The following ILDR1 variants were observed in gnomAD, a reference collection of about 807,000 sequenced individuals.
The protein encoded by ILDR1 is immunoglobulin-like domain-containing receptor 1.
A neutral mutation model predicts 62.4 loss-of-function variants in ILDR1; 56 were observed. The ratio of observed to expected loss-of-function variants is 0.90; its 90% CI spans 0.72 to 1.12. The LOEUF is 1.12. Among genes scored for constraint, ILDR1 ranks in the 50% most tolerant of loss-of-function variants. ILDR1 has a pLI of 0.00. For synonymous variants in ILDR1, 284 were observed against 277.8 expected, an observed-to-expected ratio of 1.02 and a Z score of -0.22; for missense variants, 736 against 710.6, an observed-to-expected ratio of 1.04 and a Z score of -0.41.
At chr3:122,050,762 A>T in the ILDR1 span, among the ~76,000 whole-genome samples, 1 of 151,808 alleles carries the variant, frequency 6.6e-6, no homozygotes, top group South Asian at 2.1e-4. Flanking sequence ...ATGTTTTTGT[A>T]TTGCTGTTTA....
intron 5 of ILDR1, among the ~76,000 whole-genome samples, chr3:121,996,162 A>G (rs2071432775): frequency 6.6e-6 from 1 of 152,150 alleles, no homozygotes; most frequent in East Asian, 1.9e-4. Flanking sequence ...CTTCTTCCAG[A>G]TGGTCCTATT....
the ILDR1 span, among the ~76,000 whole-genome samples, chr3:122,046,157 T>G: frequency 4.6e-5 from 7 of 151,852 alleles, no homozygotes; most frequent in Admixed American, 4.6e-4. Context: ...GTGAAGTATT[T>G]TATTTCTCCT....
At chr3:122,053,036 T>G in the ILDR1 span, among the ~76,000 whole-genome samples, 1 of 152,238 alleles carries the variant, frequency 6.6e-6, no homozygotes. Context: ...TTGTTTTTTT[T>G]GCTCACCTAG....
chr3:122,017,328 C>T (rs1005202687), intron 1 of ILDR1, among the ~76,000 whole-genome samples: 1 of 151,802 alleles, frequency 6.6e-6, no homozygotes, highest in Non-Finnish European at 1.5e-5. Flanking sequence ...GGATTACAGG[C>T]GTGAGCCACC....
upstream of ILDR1, among the ~76,000 whole-genome samples, chr3:122,024,530 A>C (rs1182687751): frequency 6.6e-6 from 1 of 152,238 alleles, no homozygotes; most frequent in East Asian, 1.9e-4. Context: ...CTTCTCTTGA[A>C]GTGAACACTT....
At chr3:122,004,362 C>T (rs1462783032) in intron 3 of ILDR1, among the ~76,000 whole-genome samples, 1 of 152,214 alleles carries the variant, frequency 6.6e-6, no homozygotes, top group South Asian at 2.1e-4. Context: ...CTAATGCTTA[C>T]TGCCCACTTC....
At chr3:122,052,575 G>T in the ILDR1 span, among the ~76,000 whole-genome samples, 3 of 152,200 alleles carry the variant, frequency 2.0e-5, no homozygotes, top group East Asian at 1.9e-4. Context: ...TTGGTTTTTT[G>T]TTGTTGTTGT....
chr3:122,012,135 C>A (rs2071713066), intron 1 of ILDR1, among the ~76,000 whole-genome samples: 1 of 152,196 alleles, frequency 6.6e-6, no homozygotes, highest in South Asian at 2.1e-4. Flanking sequence ...TATCCTCTAA[C>A]TTCTCTGTAA....
At chr3:122,046,883 A>G in the ILDR1 span, among the ~76,000 whole-genome samples, 46 of 145,816 alleles carry the variant, frequency 3.2e-4, no homozygotes, top group African/African-American at 1.1e-3. Context: ...CATAGCTCAG[A>G]GTAATTTGAC....
chr3:121,988,320 A>T lies in ILDR1; in HGVS notation c.*47T>A. ...TGGAAACCTAGGTGATGCTGATGACACACAGGAGCCGAGAAGTAGCCACAG... is the reference window on the plus strand; with the variant it reads ...TGGAAACCTAGGTGATGCTGATGACTCACAGGAGCCGAGAAGTAGCCACAG... On this transcript the variant is annotated 3_prime_UTR_variant, in exon 8 of 8. Transcript: ENST00000344209. 6.5e-7 allele frequency: 1 copy of T among 1,549,132 alleles called. No individual in the cohort carries two copies. Among genetic ancestry groups the T allele is most frequent in the South Asian group, 1.1e-5 (1 of 89,684 alleles).
chr3:122,009,053 C>A (rs2071663028), intron 1 of ILDR1, among the ~76,000 whole-genome samples: 1 of 151,922 alleles, frequency 6.6e-6, no homozygotes, highest in Non-Finnish European at 1.5e-5. Context: ...CCCATCTCAG[C>A]CTCCCAAGTA....
the ILDR1 span, among the ~76,000 whole-genome samples, chr3:122,034,939 G>T: frequency 6.6e-6 from 1 of 152,180 alleles, no homozygotes; most frequent in African/African-American, 2.4e-5. Context: ...CTGCCCCCAT[G>T]ATTCAGTCAC....
chr3:121,988,751 C>G lies in ILDR1; in HGVS notation c.1600-343G>C, dbSNP rs149429005. 4.4e-3 allele frequency among the ~76,000 whole-genome samples: 666 copies of G among 152,342 alleles called. 2 individuals carry two copies. Among genetic ancestry groups the G allele is most frequent in the African/African-American group, 9.5e-3 (395 of 41,574 alleles). ...CCCTGTTCCATTCTTCAGTCCATCTCTCTCCCATTCATTCATGAAGACATT... is the reference window on the plus strand; with the variant it reads ...CCCTGTTCCATTCTTCAGTCCATCTGTCTCCCATTCATTCATGAAGACATT... On this transcript the variant is annotated intron_variant, in intron 7 of 7. Coordinates refer to ENST00000344209, the MANE Select transcript of ILDR1 (RefSeq NM_001199799.2).
At chr3:121,995,404 GCATCCTGAACACAGC>G (rs1457583486) in intron 5 of ILDR1, among the ~76,000 whole-genome samples, 2 of 152,192 alleles carry the variant, frequency 1.3e-5, no homozygotes, top group Non-Finnish European at 2.9e-5. Context: ...CAGAAAGCTG[GCATCCTGAACACAGC>G]CACATAGGGT....
chr3:122,019,228 G>A (rs531190317), intron 1 of ILDR1, among the ~76,000 whole-genome samples: 3 of 152,300 alleles, frequency 2.0e-5, no homozygotes, highest in Admixed American at 2.0e-4. Context: ...GTTTTAAGGA[G>A]CAGATATTCA....
rs184154544 is a variant in ILDR1 at position 122,020,340 on chromosome 3, G to A, written c.58+1680C>T. On this transcript the variant is annotated intron_variant, in intron 1 of 7. Transcript: ENST00000344209. ...TTTACTGGAAGCTTTGAATAGTTTC[G>A]TAACTTGCCCAGTGTCACATAAACA... Among the ~76,000 whole-genome samples the A allele has an allele frequency of 1.5e-4, 23 of 152,272 alleles. No individual in the cohort carries two copies. The South Asian group carries it at 2.9e-3, about 19-fold the overall frequency.
In ILDR1 at chr3:121,994,331, G is replaced by A. The variant is rs765544862; in HGVS notation, c.647-18C>T. ...GGCCAGGGCTGCAGGGAAAGAAGGA[G>A]AAATGCAGGCCCTCAGCCAGGGCAA... is the stretch of plus-strand genomic sequence containing the variant. On this transcript the variant is annotated intron_variant, in intron 5 of 7. Transcript: ENST00000344209. 68 of 1,528,172 alleles carry A rather than the reference G, an allele frequency of 4.4e-5. No individual in the cohort carries two copies. The South Asian group carries it at 7.6e-4, about 17-fold the overall frequency. The allele number at this position is 1,528,172 out of a possible 1,614,324, so 94.7% of individuals were successfully genotyped here.
intron 1 of ILDR1, among the ~76,000 whole-genome samples, chr3:122,009,088 C>T (rs572876883): frequency 1.3e-4 from 19 of 151,956 alleles, no homozygotes; most frequent in African/African-American, 4.3e-4. Context: ...CATGCACCAC[C>T]ATGCCTGACT....
At position 121,994,169 on chromosome 3, in the gene ILDR1, T is replaced by C. The variant is rs777198623; in HGVS notation, c.778+13A>G. On this transcript the variant is annotated intron_variant, in intron 6 of 7. Transcript: ENST00000344209. ...TCTGCCCTCCCCTATCCCAAATCTCTGGAAGAGTTTACCTCGCTGCAGCAG... is the reference window on the plus strand; with the variant it reads ...TCTGCCCTCCCCTATCCCAAATCTCCGGAAGAGTTTACCTCGCTGCAGCAG... 2 of 1,535,988 alleles carry C rather than the reference T, an allele frequency of 1.3e-6. No homozygotes were observed. The highest frequency in any genetic ancestry group is 2.4e-5 in the East Asian group (1 of 40,900).
Sources: gnomAD v4.1 joint callset for allele counts (sites outside exome capture counted in the v4.1 genomes callset) on GRCh38, gnomAD v4.1.1 for gene constraint, MANE v1.5 for transcripts, NCBI Gene and HGNC (gene_info 2026-07-23, HGNC 2026-07-21) for gene names.